SYT2: variants seen among roughly 807,000 people sequenced by gnomAD.
SYT2 encodes synaptotagmin 2.
In SYT2, 15 loss-of-function variants were observed where a neutral mutation model predicts 39.9. That is an observed-to-expected ratio of 0.38 (90% CI 0.25 to 0.58). The LOEUF is 0.58. SYT2 is among the 20% of genes least tolerant of loss of function. The pLI is 0.70. For missense variants in SYT2, 389 were observed against 530.3 expected, an observed-to-expected ratio of 0.73 and a Z score of 2.62; for synonymous variants, 181 against 204.5, an observed-to-expected ratio of 0.89 and a Z score of 0.98.
intron 1 of SYT2, among the ~76,000 whole-genome samples, chr1:202,653,595 T>C (rs112294611): frequency 4.6e-5 from 7 of 151,312 alleles, no homozygotes; most frequent in South Asian, 2.1e-4. Context: ...TCCCCAGAGA[T>C]TGGGAATAGG....
In SYT2 at chr1:202,593,333, C is replaced by G. The variant is rs958799626; in HGVS notation, c.*3424G>C. 6.6e-6 allele frequency: 1 copy of G among 152,198 alleles called. No homozygotes were observed. Among genetic ancestry groups the G allele is most frequent in the African/African-American group, 2.4e-5 (1 of 41,414 alleles). The allele number at this position is 152,198 out of a possible 1,614,324, so 9.4% of individuals were successfully genotyped here. A position where few individuals can be genotyped will look rare whatever the true frequency, so the allele number is the denominator to read the frequency against. ...CTCAACCTCTTTGCTGTCACCCACCCTTACCCCCACCCCACTGCATGGAGG... is the reference window on the plus strand; with the variant it reads ...CTCAACCTCTTTGCTGTCACCCACCGTTACCCCCACCCCACTGCATGGAGG... On this transcript the variant is annotated 3_prime_UTR_variant, in exon 9 of 9. Transcript: ENST00000367268.
At chr1:202,697,306 G>A (rs539394250) in intron 1 of SYT2, among the ~76,000 whole-genome samples, 157 of 152,362 alleles carry the variant, frequency 1.0e-3, no homozygotes, top group African/African-American at 3.6e-3. Flanking sequence ...GGGGGCCAGC[G>A]TCACCTGAGC....
intron 1 of SYT2, among the ~76,000 whole-genome samples, chr1:202,688,501 T>A (rs773560335): frequency 2.6e-5 from 4 of 152,144 alleles, no homozygotes; most frequent in Non-Finnish European, 5.9e-5. Flanking sequence ...AGGTATCAAG[T>A]GGAGAAATGT....
chr1:202,709,891 G>A (rs1321281487), intron 1 of SYT2, among the ~76,000 whole-genome samples: 1 of 152,110 alleles, frequency 6.6e-6, no homozygotes, highest in African/African-American at 2.4e-5. Context: ...CTAGACGCGA[G>A]TGGGTTCGTC....
chr1:202,637,296 G>A (rs1188086700), intron 1 of SYT2, among the ~76,000 whole-genome samples: 2 of 152,280 alleles, frequency 1.3e-5, no homozygotes, highest in Admixed American at 1.3e-4. Context: ...AGGCTGCAGT[G>A]AGCCGTGATC....
At chr1:202,642,356 G>C (rs1471415803) in intron 1 of SYT2, among the ~76,000 whole-genome samples, 3 of 151,554 alleles carry the variant, frequency 2.0e-5, no homozygotes, top group African/African-American at 7.3e-5. Flanking sequence ...TTGTCCCCCC[G>C]CGCGCCCTCC....
chr1:202,675,847 T>G (rs750101211), intron 1 of SYT2, among the ~76,000 whole-genome samples: 1 of 152,236 alleles, frequency 6.6e-6, no homozygotes, highest in Non-Finnish European at 1.5e-5. Context: ...CTAGCTTGAA[T>G]AGTAATCATT....
At chr1:202,684,208 G>C (rs764546304) in intron 1 of SYT2, among the ~76,000 whole-genome samples, 1 of 152,030 alleles carries the variant, frequency 6.6e-6, no homozygotes, top group African/African-American at 2.4e-5. Context: ...CACATGATTC[G>C]GTATGATTAA....
intron 1 of SYT2, among the ~76,000 whole-genome samples, chr1:202,682,514 T>C (rs970151771): frequency 6.6e-6 from 1 of 152,024 alleles, no homozygotes; most frequent in Admixed American, 6.5e-5. Flanking sequence ...CAAGAAGAAG[T>C]GTGATTTAAT....
chr1:202,598,535 G>C (rs574996046), intron 8 of SYT2, among the ~76,000 whole-genome samples: 28 of 152,110 alleles, frequency 1.8e-4, no homozygotes, highest in Admixed American at 1.4e-3. Context: ...GGGAGGAGAG[G>C]GGGTGGGATC....
At chr1:202,705,903 G>A (rs980266623) in intron 1 of SYT2, among the ~76,000 whole-genome samples, 3 of 152,020 alleles carry the variant, frequency 2.0e-5, no homozygotes, top group Non-Finnish European at 2.9e-5. Flanking sequence ...ATGTTGCCCA[G>A]CCTGCTCTGG....
intron 1 of SYT2, among the ~76,000 whole-genome samples, chr1:202,621,944 G>A (rs994416321): frequency 1.3e-5 from 2 of 152,202 alleles, no homozygotes; most frequent in Non-Finnish European, 2.9e-5. Flanking sequence ...GTGCACACAT[G>A]TACATACACT....
At chr1:202,697,445 G>A (rs1371916327) in intron 1 of SYT2, among the ~76,000 whole-genome samples, 1 of 152,242 alleles carries the variant, frequency 6.6e-6, no homozygotes, top group Admixed American at 6.5e-5. Context: ...GTTTGCATCG[G>A]TACACGAACT....
At chr1:202,655,164 T>C (rs1057343406) in intron 1 of SYT2, among the ~76,000 whole-genome samples, 1 of 152,052 alleles carries the variant, frequency 6.6e-6, no homozygotes, top group Admixed American at 6.6e-5. Context: ...GGTGAGCAAG[T>C]GGGCTTAGAG....
chr1:202,616,741 A>C (rs984006521), intron 1 of SYT2, among the ~76,000 whole-genome samples: 4 of 150,496 alleles, frequency 2.7e-5, no homozygotes, highest in Non-Finnish European at 5.9e-5. Context: ...AACTGTGACT[A>C]CTCCTCCTTC....
chr1:202,624,380 TGTG>T (rs1225977477), intron 1 of SYT2, among the ~76,000 whole-genome samples: 2 of 151,598 alleles, frequency 1.3e-5, no homozygotes, highest in Non-Finnish European at 2.9e-5. Context: ...GTGGCATATG[TGTG>T]GTGTGTACGT....
At chr1:202,673,641 AG>A (rs780992808) in intron 1 of SYT2, among the ~76,000 whole-genome samples, 14 of 152,190 alleles carry the variant, frequency 9.2e-5, no homozygotes, top group Non-Finnish European at 1.6e-4. Flanking sequence ...GGTGACCTCC[AG>A]GAAGACTTGC....
chr1:202,603,759 G>A (rs1690604764), intron 3 of SYT2, among the ~76,000 whole-genome samples: 1 of 152,056 alleles, frequency 6.6e-6, no homozygotes, highest in African/African-American at 2.4e-5. Flanking sequence ...ATACCTGCAT[G>A]TGCAAGGACA....
At chr1:202,693,368 G>T (rs1226068260) in intron 1 of SYT2, among the ~76,000 whole-genome samples, 1 of 152,072 alleles carries the variant, frequency 6.6e-6, no homozygotes, top group African/African-American at 2.4e-5. Flanking sequence ...CATGGGGAAG[G>T]GTACAGTGCA....
Sources: gnomAD v4.1 joint callset for allele counts (sites outside exome capture counted in the v4.1 genomes callset) on GRCh38, gnomAD v4.1.1 for gene constraint, MANE v1.5 for transcripts, NCBI Gene and HGNC (gene_info 2026-07-23, HGNC 2026-07-21) for gene names.